The following MMP26 variants were observed in gnomAD, a reference collection of about 807,000 sequenced individuals.
MMP26 encodes the protein matrix metallopeptidase 26.
Under a neutral mutation model 31.0 loss-of-function variants are expected in MMP26, and 33 were observed. The observed-to-expected ratio is 1.06, with a 90% CI of 0.81 to 1.42. The LOEUF (loss-of-function observed/expected upper bound fraction) is 1.42, where lower values mean the gene tolerates loss of function less well. MMP26 is among the 40% of genes most tolerant of loss of function. MMP26 has a pLI of 0.00. For missense variants in MMP26, 347 were observed against 316.1 expected, an observed-to-expected ratio of 1.10 and a Z score of -0.74; for synonymous variants, 122 against 114.9, an observed-to-expected ratio of 1.06 and a Z score of -0.40.
chr11:4,770,038 A>G (rs879514655), intron 2 of MMP26: 1 of 622,322 alleles, frequency 1.6e-6, no homozygotes, highest in Non-Finnish European at 2.9e-6. Context: ...ATCCAAGGTC[A>G]TAGATAAGAT....
chr11:4,765,167 T>C (rs1388827129), intron 1 of MMP26, among the ~76,000 whole-genome samples: 1 of 152,196 alleles, frequency 6.6e-6, no homozygotes, highest in African/African-American at 2.4e-5. Context: ...TTCATCGTCA[T>C]ATTCTATGTA....
intron 2 of MMP26, among the ~76,000 whole-genome samples, chr11:4,886,522 C>T (rs950323664): frequency 1.3e-5 from 2 of 151,840 alleles, no homozygotes; most frequent in African/African-American, 4.8e-5. Context: ...AAATTTTGAC[C>T]TCCAATGTTA....
At chr11:4,793,421 G>C (rs1020286805) in intron 2 of MMP26, among the ~76,000 whole-genome samples, 8 of 152,094 alleles carry the variant, frequency 5.3e-5, no homozygotes, top group East Asian at 1.9e-4. Context: ...AATGAATTTT[G>C]CTTGCTCTAA....
chr11:4,882,776 A>G (rs763771507), intron 2 of MMP26: 1 of 1,613,804 alleles, frequency 6.2e-7, no homozygotes, highest in Non-Finnish European at 8.5e-7. Context: ...GAACCCTATC[A>G]TTTACAGCTT....
At chr11:4,909,559 C>T (rs1850958634) in intron 2 of MMP26, 1 of 152,094 alleles carries the variant, frequency 6.6e-6, no homozygotes, top group East Asian at 1.9e-4. Context: ...AGACAATGAT[C>T]CTTGGAAATA....
intron 1 of MMP26, among the ~76,000 whole-genome samples, chr11:4,762,681 T>G (rs7128851): frequency 0.22 from 33,424 of 152,130 alleles, 5,278 homozygotes; most frequent in African/African-American, 0.45. Flanking sequence ...CAGTAGAACT[T>G]ATATAAAAAT....
In MMP26 at chr11:4,951,201, A is replaced by G. The variant is rs540427766; in HGVS notation, c.-144-36867A>G. 1.1e-4 allele frequency among the ~76,000 whole-genome samples: 13 copies of G among 123,570 alleles called. 1 individual carries two copies. The South Asian group carries it at 3.2e-3, about 30-fold the overall frequency. 81.1% of individuals were successfully genotyped at this position (123,570 alleles called of 152,430 possible). On this transcript the variant is annotated intron_variant, in intron 2 of 7. Coordinates refer to ENST00000380390, the MANE Select transcript of MMP26 (RefSeq NM_021801.5). ...GTTAACCTGAATATCACAACTTTTG[A>G]GAGCTCCCTGGGTGATTTTAATGCC...
chr11:4,913,058 C>T (rs943419507), intron 2 of MMP26: 6 of 152,208 alleles, frequency 3.9e-5, no homozygotes, highest in African/African-American at 1.4e-4. Flanking sequence ...CGTGCATAAG[C>T]AAATCCTTAA....
intron 1 of MMP26, among the ~76,000 whole-genome samples, chr11:4,755,807 GA>G (rs1198587805): frequency 1.3e-5 from 2 of 150,944 alleles, no homozygotes; most frequent in Non-Finnish European, 3.0e-5. Flanking sequence ...TAGCTTTTAA[GA>G]AAAAAAATAA....
At chr11:4,848,101 C>T in intron 2 of MMP26, 3 of 922,620 alleles carry the variant, frequency 3.3e-6, no homozygotes, top group Non-Finnish European at 4.9e-6. Context: ...AGGCATACTT[C>T]CAGGGACAGG....
intron 2 of MMP26, among the ~76,000 whole-genome samples, chr11:4,855,296 C>G (rs1344237054): frequency 1.3e-5 from 2 of 151,974 alleles, no homozygotes; most frequent in Non-Finnish European, 2.9e-5. Context: ...ATGTTTGAAC[C>G]CATTGCAAAG....
intron 2 of MMP26, among the ~76,000 whole-genome samples, chr11:4,798,376 C>G (rs1164840378): frequency 1.3e-5 from 2 of 152,254 alleles, no homozygotes; most frequent in Non-Finnish European, 2.9e-5. Flanking sequence ...GGACCTCACC[C>G]ACCTTCAGCC....
rs922390709 is a variant in MMP26, at chr11:4,958,568, C to T, written c.-144-29500C>T. Among the ~76,000 whole-genome samples, 14 of 152,170 alleles carry T rather than the reference C, an allele frequency of 9.2e-5. No homozygotes were observed. In the East Asian group the frequency reaches 2.7e-3, roughly 29 times the overall value. ...TATCTATCATGTCTCTATCAACCAT[C>T]TATCTTCTCTATCATCTATCATTTA... On this transcript the variant is annotated intron_variant, in intron 2 of 7. Transcript: ENST00000380390.
chr11:4,720,522 G>T (rs1847996260), intron 1 of MMP26, among the ~76,000 whole-genome samples: 1 of 152,144 alleles, frequency 6.6e-6, no homozygotes, highest in Non-Finnish European at 1.5e-5. Flanking sequence ...CAAAGAACTG[G>T]ATAAACAGGT....
At chr11:4,769,105 G>A (rs1392551407) in intron 2 of MMP26, 2 of 1,599,664 alleles carry the variant, frequency 1.3e-6, no homozygotes, top group African/African-American at 1.3e-5. Context: ...GGACTACTCT[G>A]GGGGCTGACC....
Position 4,714,649 on chromosome 11 carries a change from C to G in MMP26, c.-217+9604C>G, listed in dbSNP as rs571168810. Among the ~76,000 whole-genome samples the G allele has an allele frequency of 7.9e-5, 12 of 152,250 alleles. No homozygotes were observed. In the South Asian group the frequency reaches 2.3e-3, roughly 29 times the overall value. On this transcript the variant is annotated intron_variant, in intron 1 of 7. Transcript: ENST00000380390. Reference sequence around the variant, plus strand: ...AAAGTGCTTATTTGGAGAACTCCGGCTAGCTCTAGGTGGCAGAGACCAAAT... The same window carrying G: ...AAAGTGCTTATTTGGAGAACTCCGGGTAGCTCTAGGTGGCAGAGACCAAAT...
chr11:4,834,209 T>A (rs1589915036), intron 2 of MMP26, among the ~76,000 whole-genome samples: 1 of 152,132 alleles, frequency 6.6e-6, no homozygotes. Context: ...GTTCGTGAGA[T>A]GTGGATTCTT....
chr11:4,934,505 T>A (rs1851403759), intron 2 of MMP26, among the ~76,000 whole-genome samples: 1 of 138,826 alleles, frequency 7.2e-6, no homozygotes, highest in Non-Finnish European at 1.6e-5. Flanking sequence ...GTTGCAAAAA[T>A]TTTCTCCCAT....
At chr11:4,771,453 A>G (rs1373682157) in intron 2 of MMP26, among the ~76,000 whole-genome samples, 2 of 152,184 alleles carry the variant, frequency 1.3e-5, no homozygotes, top group Non-Finnish European at 2.9e-5. Context: ...GCTTCCGGAT[A>G]CAGTAGACGT....
Sources: gnomAD v4.1 joint callset for allele counts (sites outside exome capture counted in the v4.1 genomes callset) on GRCh38, gnomAD v4.1.1 for gene constraint, MANE v1.5 for transcripts, NCBI Gene and HGNC (gene_info 2026-07-23, HGNC 2026-07-21) for gene names.